The following SOWAHA variants were observed in gnomAD, a reference collection of about 807,000 sequenced individuals.
SOWAHA encodes sosondowah ankyrin repeat domain family member A.
Under a neutral mutation model 21.1 loss-of-function variants are expected in SOWAHA, and 17 were observed. That is an observed-to-expected ratio of 0.80 (90% CI 0.55 to 1.21). The LOEUF is 1.21. Ranked by LOEUF, SOWAHA falls within the 50% of genes most tolerant of loss-of-function variation. SOWAHA has a pLI of 0.00. For missense variants in SOWAHA, 862 were observed against 816.0 expected, an observed-to-expected ratio of 1.06 and a Z score of -0.69; for synonymous variants, 422 against 397.1, an observed-to-expected ratio of 1.06 and a Z score of -0.75.
Position 132,814,524 on chromosome 5 carries a change from G to A in SOWAHA, c.903G>A (p.Pro301=). Residue 301 remains proline (P), a synonymous_variant, in exon 1 of 1, where the codon CCG becomes CCA. Coordinates refer to ENST00000378693, the MANE Select transcript of SOWAHA (RefSeq NM_175873.6). ...CCGAGGAGTTGCCCGCCGCGCCGCCGCCGTCCGCGGTGCCCCTGGAGCCGT... is the reference window on the plus strand; with the variant it reads ...CCGAGGAGTTGCCCGCCGCGCCGCCACCGTCCGCGGTGCCCCTGGAGCCGT... ...PDAEELPAAP[P]PSAVPLEPSE... The A allele has an allele frequency of 2.2e-6, 3 of 1,366,964 alleles. No homozygotes were observed. Among genetic ancestry groups the A allele is most frequent in the Non-Finnish European group, 2.8e-6 (3 of 1,071,538 alleles). The allele number at this position is 1,366,964 out of a possible 1,614,324, so 84.7% of individuals were successfully genotyped here.
Position 132,815,424 on chromosome 5 carries a change from C to A in SOWAHA, c.*153C>A. On this transcript the variant is annotated 3_prime_UTR_variant, in exon 1 of 1. Transcript: ENST00000378693. ...GTTTTACCCAGATGGGCCTGCACCTCCAGCTTCTTTCTGAAGCATGACCCA... is the reference window on the plus strand; with the variant it reads ...GTTTTACCCAGATGGGCCTGCACCTACAGCTTCTTTCTGAAGCATGACCCA... The A allele has an allele frequency of 1.6e-6, 1 of 629,170 alleles. No individual in the cohort carries two copies. The highest frequency in any genetic ancestry group is 2.7e-6 in the Non-Finnish European group (1 of 364,284). 39.0% of individuals were successfully genotyped at this position (629,170 alleles called of 1,614,324 possible).
Position 132,814,763 on chromosome 5 carries a change from G to C in SOWAHA, c.1142G>C (p.Arg381Pro). ...GGCGCACCAGTCGACGTGAACGCAC[G>C]CTCCCACGGCGGCTACACGCCGCTG... The part of the protein sequence containing the change: ...RSGAPVDVNA[R>P]SHGGYTPLHL... Residue 381 changes from arginine (R) to proline (P), a missense_variant, in exon 1 of 1, where the codon CGC (arginine) becomes CCC (proline). Coordinates refer to ENST00000378693, the MANE Select transcript of SOWAHA (RefSeq NM_175873.6). 2 of 1,530,608 alleles carry C rather than the reference G, an allele frequency of 1.3e-6. No individual in the cohort carries two copies. Among genetic ancestry groups the C allele is most frequent in the Non-Finnish European group, 1.7e-6 (2 of 1,143,568 alleles). 94.8% of individuals were successfully genotyped at this position (1,530,608 alleles called of 1,614,324 possible).
rs1758374723 is a variant in SOWAHA at position 132,815,342 on chromosome 5, G to T, written c.*71G>T. 1 of 1,359,720 alleles carries T rather than the reference G, an allele frequency of 7.4e-7. No individual in the cohort carries two copies. The highest frequency in any genetic ancestry group is 2.4e-5 in the East Asian group (1 of 41,570). The allele number at this position is 1,359,720 out of a possible 1,614,324, so 84.2% of individuals were successfully genotyped here. On this transcript the variant is annotated 3_prime_UTR_variant, in exon 1 of 1. Coordinates refer to ENST00000378693, the MANE Select transcript of SOWAHA (RefSeq NM_175873.6). Reference sequence around the variant, plus strand: ...TCGCAGTCCAAACCCGCCCAAGACTGCAGCCCAATCAACGCCTGGAGCCTC... The same window carrying T: ...TCGCAGTCCAAACCCGCCCAAGACTTCAGCCCAATCAACGCCTGGAGCCTC...
At position 132,813,881 on chromosome 5, in the gene SOWAHA, A is replaced by C; in HGVS notation, c.260A>C (p.Glu87Ala). 6.5e-7 allele frequency: 1 copy of C among 1,547,988 alleles called. No homozygotes were observed. The highest frequency in any genetic ancestry group is 8.7e-7 in the Non-Finnish European group (1 of 1,145,958). ...VVLRKKPRPPEPEPAPFGPPG... is the reference protein window; with the variant it reads ...VVLRKKPRPPAPEPAPFGPPG... ...CTGAGGAAGAAGCCCCGGCCCCCGG[A>C]GCCCGAGCCCGCACCCTTCGGCCCC... Residue 87 changes from glutamate to alanine, a missense_variant, in exon 1 of 1, where the codon GAG becomes GCG. By Grantham distance (107) the Glu-to-Ala change is moderately radical. Transcript: ENST00000378693.
chr5:132,815,258 C>T lies in SOWAHA; in HGVS notation c.1637C>T (p.Pro546Leu). 10 of 1,609,070 alleles carry T rather than the reference C, an allele frequency of 6.2e-6. No individual in the cohort carries two copies. The highest frequency in any genetic ancestry group is 8.5e-6 in the Non-Finnish European group (10 of 1,176,902). ...TTAGCTGGTCTAGTGCCCAGTTTGC[C>T]TCCAACAACCTGAAGGTCCCTGGGG... ...GPLAGLVPSL[P>L]PTT Residue 546 changes from proline to leucine, a missense_variant, in exon 1 of 1, where the codon CCT becomes CTT. Pro to Leu is a moderately conservative substitution (Grantham distance 98, BLOSUM62 -3). Transcript: ENST00000378693.
chr5:132,814,645 G>A lies in SOWAHA; in HGVS notation c.1024G>A (p.Asp342Asn). 6.6e-7 allele frequency: 1 copy of A among 1,522,868 alleles called. No homozygotes were observed. 94.3% of individuals were successfully genotyped at this position (1,522,868 alleles called of 1,614,324 possible). The change falls in exon 1 of 1, where the codon GAC (aspartate) becomes AAC (asparagine). Residue 342 changes from aspartate (D) to asparagine (N), a missense_variant. Transcript: ENST00000378693. ...LRDRGLAAKRDFMSGFTALHW... is the reference protein window; with the variant it reads ...LRDRGLAAKRNFMSGFTALHW... ...CGACCGCGGCTTGGCGGCCAAGCGC[G>A]ACTTCATGTCTGGCTTCACGGCCCT...
At position 132,814,551 on chromosome 5, in the gene SOWAHA, C is replaced by A; in HGVS notation, c.930C>A (p.Ser310=). ...CGTCCGCGGTGCCCCTGGAGCCGTC[C>A]GAGCACGAGTGGCTCGTGCGGACTG... ...PPPSAVPLEP[S]EHEWLVRTAG... Residue 310 remains serine, a synonymous_variant, in exon 1 of 1, where the codon TCC becomes TCA. Transcript: ENST00000378693. 7.1e-7 allele frequency: 1 copy of A among 1,411,584 alleles called. No individual in the cohort carries two copies. The highest frequency in any genetic ancestry group is 1.5e-5 in the African/African-American group (1 of 66,152). The allele number at this position is 1,411,584 out of a possible 1,614,324, so 87.4% of individuals were successfully genotyped here. A position where few individuals can be genotyped will look rare whatever the true frequency, so the allele number is the denominator to read the frequency against.
Position 132,813,323 on chromosome 5 carries a change from CG to C in SOWAHA, c.-294del, listed in dbSNP as rs2150021381. Among the ~76,000 whole-genome samples, 1 of 151,982 alleles carries C rather than the reference CG, an allele frequency of 6.6e-6. No individual in the cohort carries two copies. The highest frequency in any genetic ancestry group is 1.9e-4 in the East Asian group (1 of 5,150). Reference sequence around the variant, plus strand: ...TGTCACCTGTAAGGCGAGCGCGGCGCGGGGGATGGAAGCAGGCGCCCATTGG... The same window carrying C: ...TGTCACCTGTAAGGCGAGCGCGGCGCGGGGATGGAAGCAGGCGCCCATTGG... On this transcript the variant is annotated 5_prime_UTR_variant, in exon 1 of 1. Transcript: ENST00000378693.
rs746506309 is a variant in SOWAHA at position 132,815,023 on chromosome 5, G to GC, written c.1404dup (p.Ala469ArgfsTer17). The GC allele has an allele frequency of 1.2e-6, 2 of 1,601,996 alleles. No individual in the cohort carries two copies. The highest frequency in any genetic ancestry group is 2.7e-5 in the African/African-American group (2 of 74,758). The stretch of plus-strand genomic sequence containing the variant: ...TGCTGCCAGGCGCCCCGTACAGGTG[G>GC]CCGCCACCATCCTCAGTTCCACCAC... On this transcript the variant is annotated frameshift_variant, in exon 1 of 1. Transcript: ENST00000378693. LOFTEE classifies it high-confidence loss of function.
chr5:132,814,077 C>A lies in SOWAHA; in HGVS notation c.456C>A (p.Pro152=). Residue 152 remains proline (P), a synonymous_variant, in exon 1 of 1, where the codon CCC becomes CCA. Transcript: ENST00000378693. ...CCCCGGGGGGGCCGGCCTCCGAGCC[C>A]GCTCAGCCGCCCGGGGAGCGGTCCG... The part of the protein sequence containing the change: ...QDTPGGPASE[P]AQPPGERSAD... 6.3e-7 allele frequency: 1 copy of A among 1,582,086 alleles called. No individual in the cohort carries two copies. The highest frequency in any genetic ancestry group is 8.5e-7 in the Non-Finnish European group (1 of 1,170,264).
Position 132,813,896 on chromosome 5 carries a change from C to G in SOWAHA, c.275C>G (p.Pro92Arg), listed in dbSNP as rs777771129. 1.9e-5 allele frequency: 30 copies of G among 1,547,556 alleles called. No individual in the cohort carries two copies. The highest frequency in any genetic ancestry group is 2.6e-5 in the Non-Finnish European group (30 of 1,145,806). The change falls in exon 1 of 1, where the codon CCC becomes CGC. Residue 92 changes from proline to arginine, a missense_variant. Coordinates refer to ENST00000378693, the MANE Select transcript of SOWAHA (RefSeq NM_175873.6). ...KPRPPEPEPA[P>R]FGPPGAAAQP... ...CGGCCCCCGGAGCCCGAGCCCGCACCCTTCGGCCCCCCGGGGGCAGCGGCC... is the reference window on the plus strand; with the variant it reads ...CGGCCCCCGGAGCCCGAGCCCGCACGCTTCGGCCCCCCGGGGGCAGCGGCC...
chr5:132,813,646 G>C lies in SOWAHA; in HGVS notation c.25G>C (p.Ala9Pro). The change falls in exon 1 of 1, where the codon GCT (alanine) becomes CCT (proline). Residue 9 changes from alanine (A) to proline (P), a missense_variant. Ala to Pro is a conservative substitution (Grantham distance 27). Transcript: ENST00000378693. The stretch of plus-strand genomic sequence containing the variant: ...CATGGCGCTGGCCGCCGCCGCCGCC[G>C]CTGCGGCTGCCGGGGTGAGCCAGGC... MALAAAAAAAAAGVSQAAV... is the reference protein window; with the variant it reads MALAAAAAPAAAGVSQAAV... 1.4e-6 allele frequency: 2 copies of C among 1,389,360 alleles called. No individual in the cohort carries two copies. Among genetic ancestry groups the C allele is most frequent in the Admixed American group, 3.7e-5 (1 of 26,920 alleles). The allele number at this position is 1,389,360 out of a possible 1,614,324, so 86.1% of individuals were successfully genotyped here.
Position 132,814,842 on chromosome 5 carries a change from T to A in SOWAHA, c.1221T>A (p.Arg407=). ...HEDAAVLLVV[R]LGAQVHVRDH... is the part of the protein sequence containing the mutation. ...ACGCTGCCGTGCTGCTGGTGGTGCG[T>A]CTGGGTGCCCAGGTGCACGTGCGTG... The change falls in exon 1 of 1, where the codon CGT becomes CGA. Residue 407 remains arginine (R), a synonymous_variant. Transcript: ENST00000378693. The A allele has an allele frequency of 6.6e-7, 1 of 1,516,494 alleles. No homozygotes were observed. The highest frequency in any genetic ancestry group is 8.9e-7 in the Non-Finnish European group (1 of 1,129,574). The allele number at this position is 1,516,494 out of a possible 1,614,324, so 93.9% of individuals were successfully genotyped here. A position where few individuals can be genotyped will look rare whatever the true frequency, so the allele number is the denominator to read the frequency against.
Position 132,813,824 on chromosome 5 carries a change from TGAA to T in SOWAHA, c.205_207del (p.Lys69del), listed in dbSNP as rs1283920332. 18 of 1,548,962 alleles carry T rather than the reference TGAA, an allele frequency of 1.2e-5. No individual in the cohort carries two copies. The highest frequency in any genetic ancestry group is 3.5e-6 in the Non-Finnish European group (4 of 1,146,256). On this transcript the variant is annotated inframe_deletion, in exon 1 of 1. Coordinates refer to ENST00000378693, the MANE Select transcript of SOWAHA (RefSeq NM_175873.6). ...CAGTTCGTCAACAACGTGGCGGTGG[TGAA>T]GGAGCTCGACGGCGTCAAGTTCGTG... is the stretch of plus-strand genomic sequence containing the variant.
Position 132,813,645 on chromosome 5 carries a change from CGCT to C in SOWAHA, c.27_29del (p.Ala12del), listed in dbSNP as rs1758327604. ...CCATGGCGCTGGCCGCCGCCGCCGCCGCTGCGGCTGCCGGGGTGAGCCAGGCGG... is the reference window on the plus strand; with the variant it reads ...CCATGGCGCTGGCCGCCGCCGCCGCCGCGGCTGCCGGGGTGAGCCAGGCGG... On this transcript the variant is annotated inframe_deletion, in exon 1 of 1. Transcript: ENST00000378693. 7.2e-7 allele frequency: 1 copy of C among 1,387,604 alleles called. No individual in the cohort carries two copies. Among genetic ancestry groups the C allele is most frequent in the East Asian group, 3.1e-5 (1 of 32,744 alleles). The allele number at this position is 1,387,604 out of a possible 1,614,324, so 86.0% of individuals were successfully genotyped here.
rs1037503209 is a variant in SOWAHA at position 132,813,365 on chromosome 5, A to G, written c.-257A>G. Among the ~76,000 whole-genome samples the G allele has an allele frequency of 6.6e-6, 1 of 151,936 alleles. No homozygotes were observed. The highest frequency in any genetic ancestry group is 2.4e-5 in the African/African-American group (1 of 41,420). On this transcript the variant is annotated 5_prime_UTR_variant, in exon 1 of 1. Coordinates refer to ENST00000378693, the MANE Select transcript of SOWAHA (RefSeq NM_175873.6). Reference sequence around the variant, plus strand: ...CGCCCATTGGACAGAATACAAAGGCAGAAACCTACCCCGAAGGCCGGGGCC... The same window carrying G: ...CGCCCATTGGACAGAATACAAAGGCGGAAACCTACCCCGAAGGCCGGGGCC...
chr5:132,814,107 C>A lies in SOWAHA; in HGVS notation c.486C>A (p.Asp162Glu). 6.3e-7 allele frequency: 1 copy of A among 1,597,104 alleles called. No individual in the cohort carries two copies. The highest frequency in any genetic ancestry group is 2.2e-5 in the East Asian group (1 of 44,742). Reference protein sequence around the residue: ...PAQPPGERSADPPLPALELAQ... With the variant: ...PAQPPGERSAEPPLPALELAQ... The stretch of plus-strand genomic sequence containing the variant: ...AGCCGCCCGGGGAGCGGTCCGCCGA[C>A]CCACCGCTTCCAGCCCTTGAGCTAG... Residue 162 changes from aspartate to glutamate, a missense_variant, in exon 1 of 1, where the codon GAC becomes GAA. Transcript: ENST00000378693.
At position 132,813,840 on chromosome 5, in the gene SOWAHA, C is replaced by A; in HGVS notation, c.219C>A (p.Gly73=). 2.6e-6 allele frequency: 4 copies of A among 1,549,286 alleles called. No individual in the cohort carries two copies. Among genetic ancestry groups the A allele is most frequent in the Non-Finnish European group, 2.6e-6 (3 of 1,146,304 alleles). Residue 73 remains glycine, a synonymous_variant, in exon 1 of 1, where the codon GGC becomes GGA. Coordinates refer to ENST00000378693, the MANE Select transcript of SOWAHA (RefSeq NM_175873.6). ...TGGCGGTGGTGAAGGAGCTCGACGG[C>A]GTCAAGTTCGTGGTGCTGAGGAAGA... ...NNVAVVKELD[G]VKFVVLRKKP...
chr5:132,814,133 C>T lies in SOWAHA; in HGVS notation c.512C>T (p.Ala171Val). The change falls in exon 1 of 1, where the codon GCC becomes GTC. Residue 171 changes from alanine (A) to valine (V), a missense_variant. Physicochemically the swap from Ala to Val is moderately conservative, Grantham distance 64 (BLOSUM62 0). Coordinates refer to ENST00000378693, the MANE Select transcript of SOWAHA (RefSeq NM_175873.6). ...CCACCGCTTCCAGCCCTTGAGCTAGCCCAGGCCACCGAGAGACCCTCCGCA... is the reference window on the plus strand; with the variant it reads ...CCACCGCTTCCAGCCCTTGAGCTAGTCCAGGCCACCGAGAGACCCTCCGCA... ...ADPPLPALELAQATERPSADA... is the reference protein window; with the variant it reads ...ADPPLPALELVQATERPSADA... 1.9e-6 allele frequency: 3 copies of T among 1,599,620 alleles called. No homozygotes were observed. The highest frequency in any genetic ancestry group is 2.5e-6 in the Non-Finnish European group (3 of 1,178,796).
Sources: gnomAD v4.1 joint callset for allele counts (sites outside exome capture counted in the v4.1 genomes callset) on GRCh38, gnomAD v4.1.1 for gene constraint, MANE v1.5 for transcripts, NCBI Gene and HGNC (gene_info 2026-07-23, HGNC 2026-07-21) for gene names.